Variants in MYO1D observed in about 807,000 individuals in gnomAD.
The protein encoded by MYO1D is unconventional myosin-Id.
In MYO1D, 83 loss-of-function variants were observed where a neutral mutation model predicts 122.0. The ratio of observed to expected loss-of-function variants is 0.68; its 90% confidence interval spans 0.57 to 0.82. MYO1D has a LOEUF of 0.82. Among genes scored for constraint, MYO1D ranks in the 40% least tolerant of loss-of-function variants. The probability of loss-of-function intolerance (pLI) is 0.00; values close to 1 mark genes in which losing one functional copy is unlikely to be tolerated. For missense variants in MYO1D, 1,157 were observed against 1,269.5 expected (o/e 0.91, Z 1.35); for synonymous variants, 464 against 446.9 (o/e 1.04, Z -0.48).
chr17:32,670,465 A>G (rs559324114), intron 16 of MYO1D, among the ~76,000 whole-genome samples: 2 of 152,288 alleles, frequency 1.3e-5, no homozygotes, highest in East Asian at 3.9e-4. Context: ...CCAAAGAACA[A>G]GCATTGATAG....
chr17:32,815,194 A>G (rs1181320058), intron 1 of MYO1D, among the ~76,000 whole-genome samples: 1 of 152,262 alleles, frequency 6.6e-6, no homozygotes, highest in African/African-American at 2.4e-5. Context: ...TGAAGAAAAT[A>G]GGCGCTCAAG....
intron 14 of MYO1D, 129 bp from the exon 15 acceptor site, chr17:32,721,318 G>C: frequency 1.2e-6 from 1 of 818,320 alleles, no homozygotes; most frequent in South Asian, 1.8e-5. Flanking sequence ...GCATACACTT[G>C]TGAATAAAGT....
intron 21 of MYO1D, among the ~76,000 whole-genome samples, chr17:32,521,411 A>G (rs1910133563): frequency 6.6e-6 from 1 of 152,210 alleles, no homozygotes; most frequent in South Asian, 2.1e-4. Context: ...AAGGCCTGTA[A>G]ATTCCCGCAT....
chr17:32,507,317 T>C (rs1909534522), intron 21 of MYO1D, among the ~76,000 whole-genome samples: 1 of 152,040 alleles, frequency 6.6e-6, no homozygotes, highest in Non-Finnish European at 1.5e-5. Flanking sequence ...GGTGGGAAGA[T>C]TGTTTGAGCC....
chr17:32,783,024 G>A (rs948706163), intron 1 of MYO1D, among the ~76,000 whole-genome samples: 2 of 151,976 alleles, frequency 1.3e-5, no homozygotes, highest in African/African-American at 2.4e-5. Flanking sequence ...TCAAAGACTC[G>A]CGAAAATAAG....
chr17:32,711,504 G>A (rs977044511), intron 16 of MYO1D, among the ~76,000 whole-genome samples: 3 of 152,134 alleles, frequency 2.0e-5, no homozygotes, highest in African/African-American at 7.2e-5. Flanking sequence ...AAATTAGCCA[G>A]GTGTGGTGGT....
Position 32,778,539 on chromosome 17 carries a change from C to T in MYO1D, c.339G>A (p.Lys113=). 1.2e-6 allele frequency: 2 copies of T among 1,614,064 alleles called. No individual in the cohort carries two copies. The highest frequency in any genetic ancestry group is 8.5e-7 in the Non-Finnish European group (1 of 1,179,956). ...TGGCCGCAATATACTGCATAATGTA[C>T]TTACTGGCTTCCGTTTTACCAGCTC... ...ESGAGKTEAS[K]YIMQYIAAIT... The change falls in exon 3 of 22, where the codon AAG becomes AAA. Residue 113 remains lysine (K), a synonymous_variant. Transcript: ENST00000318217.
chr17:32,867,323 CA>C (rs754118023), intron 1 of MYO1D, among the ~76,000 whole-genome samples: 7,416 of 74,282 alleles, frequency 0.1, 162 homozygotes, highest in Non-Finnish European at 0.1. Context: ...GAGACTGTCT[CA>C]AAAAAAAAAA....
intron 13 of MYO1D, among the ~76,000 whole-genome samples, chr17:32,743,105 C>T (rs1483050158): frequency 3.3e-5 from 5 of 152,216 alleles, no homozygotes; most frequent in Non-Finnish European, 5.9e-5. Context: ...TCCTTCCTCA[C>T]TGGCATGCTC....
intron 1 of MYO1D, among the ~76,000 whole-genome samples, chr17:32,874,320 GTCTCTGTCTC>G (rs1198467813): frequency 2.0e-5 from 3 of 148,218 alleles, no homozygotes; most frequent in Non-Finnish European, 4.5e-5. Context: ...CTCTCTTTGT[GTCTCTGTCTC>G]TCTCTGTTTT....
At chr17:32,637,427 T>C (rs549219356) in intron 20 of MYO1D, among the ~76,000 whole-genome samples, 11 of 152,272 alleles carry the variant, frequency 7.2e-5, no homozygotes, top group Admixed American at 2.0e-4. Flanking sequence ...TCCCAGCACT[T>C]TGGGAGACCA....
rs775663372 is a variant in MYO1D, at chr17:32,712,076, T to G, written c.2033A>C (p.Lys678Thr). The G allele has an allele frequency of 3.7e-6, 6 of 1,614,190 alleles. No individual in the cohort carries two copies. In the South Asian group the frequency reaches 6.6e-5, roughly 18 times the overall value. ...TGTTCGGGGTGTTCGAATGAAAATT[T>G]TGGTCTTCCCATAAGCTACATCATC... Reference protein sequence around the residue: ...FQDDVAYGKTKIFIRTPRTLF... With the variant: ...FQDDVAYGKTTIFIRTPRTLF... Residue 678 changes from lysine to threonine, a missense_variant, in exon 16 of 22, where the codon AAA (lysine) becomes ACA (threonine). Physicochemically the swap from Lys to Thr is moderately conservative, Grantham distance 78. Coordinates refer to ENST00000318217, the MANE Select transcript of MYO1D (RefSeq NM_015194.3).
intron 21 of MYO1D, among the ~76,000 whole-genome samples, chr17:32,595,178 G>A (rs1187222134): frequency 6.6e-6 from 1 of 152,078 alleles, no homozygotes; most frequent in Non-Finnish European, 1.5e-5. Flanking sequence ...GTTGGTTAAC[G>A]GATATAAAAT....
intron 16 of MYO1D, among the ~76,000 whole-genome samples, chr17:32,664,874 T>A (rs901953931): frequency 6.6e-6 from 1 of 152,222 alleles, no homozygotes; most frequent in Admixed American, 6.5e-5. Context: ...AACTCTGCAG[T>A]GGCTATTTCC....
intron 16 of MYO1D, among the ~76,000 whole-genome samples, chr17:32,703,005 A>G (rs535847534): frequency 1.1e-4 from 17 of 152,350 alleles, no homozygotes; most frequent in Non-Finnish European, 2.4e-4. Context: ...GTTACCTACA[A>G]ATTGCTCAGA....
intron 19 of MYO1D, 96 bp downstream of exon 19, chr17:32,653,747 G>C: frequency 2.1e-6 from 2 of 971,350 alleles, no homozygotes; most frequent in Non-Finnish European, 3.2e-6. Flanking sequence ...AGCTAGTTAT[G>C]TACCTACTGT....
chr17:32,524,617 G>A (rs151293070), intron 21 of MYO1D, among the ~76,000 whole-genome samples: 1,938 of 147,342 alleles, frequency 0.013, 17 homozygotes, highest in Non-Finnish European at 0.022. Context: ...AGGCTGGAGT[G>A]CAGTGGCATG....
At chr17:32,512,411 C>T (rs1435638530) in intron 21 of MYO1D, among the ~76,000 whole-genome samples, 1 of 152,128 alleles carries the variant, frequency 6.6e-6, no homozygotes, top group Non-Finnish European at 1.5e-5. Context: ...GGGAAGGAGG[C>T]TTCCTGAGCT....
chr17:32,849,208 C>T lies in MYO1D; in HGVS notation c.95+27570G>A, dbSNP rs1214736683. ...GTGGAGAAATAGGAACACTTTTACA[C>T]TGTTGGTGGGACTATAAACTAGTTC... On this transcript the variant is annotated intron_variant, in intron 1 of 21. Coordinates refer to ENST00000318217, the MANE Select transcript of MYO1D (RefSeq NM_015194.3). Among the ~76,000 whole-genome samples, 5 of 150,914 alleles carry T rather than the reference C, an allele frequency of 3.3e-5. 1 individual carries two copies. In the South Asian group the frequency reaches 6.3e-4, roughly 19 times the overall value.
Sources: allele counts gnomAD v4.1 joint callset (sites outside exome capture counted in the v4.1 genomes callset), GRCh38; gene constraint gnomAD v4.1.1; transcripts MANE v1.5; gene names NCBI Gene and HGNC (gene_info 2026-07-23, HGNC 2026-07-21).